PDE10A: variants seen among roughly 807,000 people sequenced by gnomAD.
The protein encoded by PDE10A is phosphodiesterase 10A.
PDE10A carries 39 observed loss-of-function variants against 97.7 expected under a neutral mutation model. The observed-to-expected ratio is 0.40, with a 90% CI of 0.31 to 0.52. The LOEUF is 0.52. Ranked by LOEUF, PDE10A falls within the 20% of genes least tolerant of loss-of-function variation. The pLI is 0.56. For missense variants in PDE10A, 731 were observed against 1,047.8 expected (o/e 0.70, Z 4.17); for synonymous variants, 371 against 376.8 (o/e 0.98, Z 0.18).
At position 165,813,370 on chromosome 6, in the gene PDE10A, A is replaced by T. The variant is rs1165241650; in HGVS notation, c.-615+174159T>A. ...AACCCGGAAGGAGCATTTACTGAGAACCTCATGGGAACCGCATATGTTATG... is the reference window on the plus strand; with the variant it reads ...AACCCGGAAGGAGCATTTACTGAGATCCTCATGGGAACCGCATATGTTATG... On this transcript the variant is annotated intron_variant, in intron 1 of 19. Transcript: ENST00000366882. 2.0e-5 allele frequency among the ~76,000 whole-genome samples: 3 copies of T among 146,590 alleles called. No individual in the cohort carries two copies. In the East Asian group the frequency reaches 5.8e-4, roughly 28 times the overall value.
chr6:165,830,980 G>C (rs1779894368), intron 1 of PDE10A, among the ~76,000 whole-genome samples: 1 of 152,168 alleles, frequency 6.6e-6, no homozygotes, highest in Admixed American at 6.5e-5. Flanking sequence ...ACCCCCAGGT[G>C]CCAATCATCC....
At chr6:165,414,716 C>G (rs1358994780) in intron 12 of PDE10A, among the ~76,000 whole-genome samples, 1 of 152,170 alleles carries the variant, frequency 6.6e-6, no homozygotes, top group Non-Finnish European at 1.5e-5. Flanking sequence ...GTGGACTGCA[C>G]AGTAAGTGTA....
At chr6:165,869,081 T>A in intron 1 of PDE10A, among the ~76,000 whole-genome samples, 1 of 152,132 alleles carries the variant, frequency 6.6e-6, no homozygotes, top group East Asian at 1.9e-4. Flanking sequence ...TTCAACATCG[T>A]GCTGGAAGTC....
At chr6:165,486,251 C>T (rs974871604) in intron 2 of PDE10A, among the ~76,000 whole-genome samples, 7 of 152,118 alleles carry the variant, frequency 4.6e-5, no homozygotes, top group African/African-American at 1.2e-4. Context: ...TTGTTGCCAA[C>T]GAACACCACA....
intron 1 of PDE10A, among the ~76,000 whole-genome samples, chr6:165,708,554 C>A (rs6939581): frequency 1.3e-5 from 2 of 151,954 alleles, no homozygotes; most frequent in East Asian, 3.9e-4. Flanking sequence ...CCTCCACCCC[C>A]ACGCCTGCAT....
intron 1 of PDE10A, among the ~76,000 whole-genome samples, chr6:165,701,647 A>G (rs202194561): frequency 1.3e-4 from 19 of 149,688 alleles, no homozygotes; most frequent in Admixed American, 6.0e-4. Context: ...CTCTTCATGT[A>G]TGTGTGTGTG....
intron 18 of PDE10A, among the ~76,000 whole-genome samples, chr6:165,361,462 T>G (rs954060847): frequency 1.1e-4 from 17 of 152,212 alleles, no homozygotes; most frequent in African/African-American, 4.1e-4. Context: ...CGAAATTGTG[T>G]CCCTCAAAGA....
chr6:165,439,757 C>G (rs1343167428), intron 5 of PDE10A, among the ~76,000 whole-genome samples: 2 of 152,070 alleles, frequency 1.3e-5, no homozygotes, highest in Admixed American at 1.3e-4. Context: ...TAGGTTGGTT[C>G]AGTAAAGGAC....
intron 1 of PDE10A, among the ~76,000 whole-genome samples, chr6:165,681,570 A>C (rs2128439508): frequency 6.6e-6 from 1 of 152,320 alleles, no homozygotes; most frequent in South Asian, 2.1e-4. Context: ...CCCAGGGGAT[A>C]CCGATGCTGC....
In PDE10A at chr6:165,794,139, A is replaced by G. The variant is rs1037449507; in HGVS notation, c.-615+193390T>C. Among the ~76,000 whole-genome samples, 221 of 151,578 alleles carry G rather than the reference A, an allele frequency of 1.5e-3. 3 individuals carry two copies. Among genetic ancestry groups the G allele is most frequent in the African/African-American group, 5.2e-3 (213 of 41,272 alleles). On this transcript the variant is annotated intron_variant, in intron 1 of 19. Transcript: ENST00000366882. Reference sequence around the variant, plus strand: ...CATACACACACACACACACGCTCACACTCACTCACACACACTCACTGCACA... The same window carrying G: ...CATACACACACACACACACGCTCACGCTCACTCACACACACTCACTGCACA...
intron 1 of PDE10A, among the ~76,000 whole-genome samples, chr6:165,726,573 G>C (rs187822726): frequency 7.2e-5 from 11 of 152,122 alleles, no homozygotes; most frequent in African/African-American, 2.7e-4. Context: ...CACGATGCCC[G>C]CTCCCCCCGG....
chr6:165,614,573 A>G (rs1239675368), intron 1 of PDE10A, among the ~76,000 whole-genome samples: 1 of 152,212 alleles, frequency 6.6e-6, no homozygotes, highest in African/African-American at 2.4e-5. Context: ...TCACTTTAAT[A>G]TGATTAATTT....
At chr6:165,568,041 C>G (rs2128342395) in intron 1 of PDE10A, among the ~76,000 whole-genome samples, 1 of 146,766 alleles carries the variant, frequency 6.8e-6, no homozygotes, top group Non-Finnish European at 1.5e-5. Context: ...CTCTGTCGCC[C>G]AGGCTGGAGT....
chr6:165,556,062 G>A (rs965796287), intron 1 of PDE10A, among the ~76,000 whole-genome samples: 1 of 152,128 alleles, frequency 6.6e-6, no homozygotes, highest in Non-Finnish European at 1.5e-5. Flanking sequence ...TGCCATAAAT[G>A]CATAAAATAT....
At chr6:165,394,772 A>G (rs181334524) in intron 15 of PDE10A, among the ~76,000 whole-genome samples, 7 of 152,246 alleles carry the variant, frequency 4.6e-5, no homozygotes, top group Non-Finnish European at 4.4e-5. Flanking sequence ...AACTGGCGTG[A>G]GATGGTGTCT....
chr6:165,365,267 TG>T (rs1271066940), intron 18 of PDE10A, among the ~76,000 whole-genome samples: 5 of 152,210 alleles, frequency 3.3e-5, no homozygotes, highest in Non-Finnish European at 7.3e-5. Context: ...ACATTTTTTA[TG>T]AAGTTTTAAA....
intron 1 of PDE10A, among the ~76,000 whole-genome samples, chr6:165,817,312 A>T (rs36003873): frequency 6.6e-6 from 1 of 152,062 alleles, no homozygotes; most frequent in Non-Finnish European, 1.5e-5. Flanking sequence ...CACTGGCCCC[A>T]TAGGGTCAAG....
At chr6:165,480,755 A>T (rs935518243) in intron 3 of PDE10A, among the ~76,000 whole-genome samples, 5 of 152,158 alleles carry the variant, frequency 3.3e-5, no homozygotes, top group Non-Finnish European at 5.9e-5. Flanking sequence ...ACCTACCAAA[A>T]GGTTGCCCGA....
At chr6:165,766,817 C>G (rs956525746) in intron 1 of PDE10A, among the ~76,000 whole-genome samples, 2 of 152,168 alleles carry the variant, frequency 1.3e-5, no homozygotes, top group Non-Finnish European at 2.9e-5. Context: ...TAGTAGTTTG[C>G]CATGTACTTA....
Sources: gnomAD v4.1 joint callset for allele counts (sites outside exome capture counted in the v4.1 genomes callset) on GRCh38, gnomAD v4.1.1 for gene constraint, MANE v1.5 for transcripts, NCBI Gene and HGNC (gene_info 2026-07-23, HGNC 2026-07-21) for gene names.